Variants in ZNRF1 observed in about 807,000 individuals in gnomAD.
The protein encoded by ZNRF1 is zinc and ring finger 1, also known as E3 ubiquitin-protein ligase ZNRF1.
In ZNRF1, 3 loss-of-function variants were observed where a neutral mutation model predicts 18.4. The observed-to-expected ratio is 0.16, with a 90% CI of 0.07 to 0.42. ZNRF1 has a LOEUF of 0.42. Among genes scored for constraint, ZNRF1 ranks in the 10% least tolerant of loss-of-function variants. ZNRF1 has a pLI of 0.99. For missense variants in ZNRF1, 310 were observed against 329.8 expected (o/e 0.94, Z 0.47); for synonymous variants, 157 against 144.2 (o/e 1.09, Z -0.64).
At chr16:75,067,689 A>C (rs1179664617) in intron 1 of ZNRF1, among the ~76,000 whole-genome samples, 6 of 152,214 alleles carry the variant, frequency 3.9e-5, no homozygotes, top group Non-Finnish European at 7.3e-5. Context: ...ATAAAGGGGC[A>C]CCATGAATCA....
chr16:75,015,272 T>C (rs746399195), intron 1 of ZNRF1, among the ~76,000 whole-genome samples: 4 of 152,238 alleles, frequency 2.6e-5, no homozygotes, highest in Non-Finnish European at 4.4e-5. Context: ...TTGCACTTTG[T>C]ATTTAAATCC....
At chr16:75,027,017 C>T (rs888181234) in intron 1 of ZNRF1, among the ~76,000 whole-genome samples, 1 of 152,184 alleles carries the variant, frequency 6.6e-6, no homozygotes, top group Non-Finnish European at 1.5e-5. Flanking sequence ...AATCCTCACC[C>T]CTTGAGGTGA....
chr16:75,082,029 G>C (rs778460967), intron 1 of ZNRF1, among the ~76,000 whole-genome samples: 13 of 152,186 alleles, frequency 8.5e-5, no homozygotes, highest in Non-Finnish European at 1.6e-4. Flanking sequence ...CACTCATGCT[G>C]ATGTTTTCAG....
intron 2 of ZNRF1, among the ~76,000 whole-genome samples, chr16:75,097,303 G>T (rs1246927737): frequency 6.6e-6 from 1 of 152,106 alleles, no homozygotes; most frequent in Non-Finnish European, 1.5e-5. Context: ...TCGTGGAGAT[G>T]ACCCGCTTTT....
intron 1 of ZNRF1, among the ~76,000 whole-genome samples, chr16:75,013,806 T>G (rs1243258718): frequency 6.6e-6 from 1 of 152,086 alleles, no homozygotes; most frequent in Non-Finnish European, 1.5e-5. Context: ...GTCTTGGAAT[T>G]ATTTATTTAT....
intron 1 of ZNRF1, among the ~76,000 whole-genome samples, chr16:75,018,745 C>G (rs554142314): frequency 1.3e-5 from 2 of 152,032 alleles, no homozygotes; most frequent in Admixed American, 1.3e-4. Context: ...ATTAATCCTG[C>G]TTGGTTGTGA....
intron 1 of ZNRF1, among the ~76,000 whole-genome samples, chr16:75,067,163 T>A (rs1210344502): frequency 6.6e-6 from 1 of 152,198 alleles, no homozygotes; most frequent in South Asian, 2.1e-4. Context: ...ATCTCTCCAA[T>A]GTGGTGCCTT....
intron 1 of ZNRF1, among the ~76,000 whole-genome samples, chr16:75,043,494 C>T (rs978328132): frequency 2.0e-5 from 3 of 152,176 alleles, no homozygotes; most frequent in Admixed American, 1.3e-4. Context: ...CCTTCTACCT[C>T]ACCAGGCCTT....
At chr16:75,033,437 G>GTTT (rs55813752) in intron 1 of ZNRF1, among the ~76,000 whole-genome samples, 1 of 98,170 alleles carries the variant, frequency 1.0e-5, no homozygotes, top group Non-Finnish European at 2.2e-5. Flanking sequence ...GTGTTTTATA[G>GTTT]TTTTTTTTTT....
intron 1 of ZNRF1, among the ~76,000 whole-genome samples, chr16:75,010,043 T>C (rs2034973425): frequency 2.0e-5 from 3 of 152,058 alleles, no homozygotes; most frequent in Admixed American, 2.0e-4. Context: ...AGTGCAGTGG[T>C]TCAGTCTCAG....
At chr16:75,010,791 A>T (rs1307591334) in intron 1 of ZNRF1, among the ~76,000 whole-genome samples, 1 of 141,222 alleles carries the variant, frequency 7.1e-6, no homozygotes, top group Non-Finnish European at 1.5e-5. Flanking sequence ...ACTCACTGCA[A>T]CCTCTGCCTC....
chr16:75,051,005 C>T (rs2035593480), intron 1 of ZNRF1, among the ~76,000 whole-genome samples: 1 of 144,216 alleles, frequency 6.9e-6, no homozygotes, highest in African/African-American at 2.6e-5. Flanking sequence ...CCAGTGTGGG[C>T]AACATGGTGA....
In ZNRF1 at chr16:75,043,790, C is replaced by CTTTTTTTTTTTTTTTTTT. The variant is rs59324869; in HGVS notation, c.424+43711_424+43712insTTTTTTTTTTTTTTTTTT. Among the ~76,000 whole-genome samples the CTTTTTTTTTTTTTTTTTT allele has an allele frequency of 5.6e-4, 42 of 75,160 alleles. 4 individuals are homozygous for CTTTTTTTTTTTTTTTTTT. Among genetic ancestry groups the CTTTTTTTTTTTTTTTTTT allele is most frequent in the Non-Finnish European group, 7.3e-4 (28 of 38,390 alleles). 49.3% of individuals were successfully genotyped at this position (75,160 alleles called of 152,430 possible). On this transcript the variant is annotated intron_variant, in intron 1 of 4. Coordinates refer to ENST00000335325, the MANE Select transcript of ZNRF1 (RefSeq NM_032268.5). Reference sequence around the variant, plus strand: ...AGGAGCCAGCCATTCTTGCTTTGTACTTTTTTTTTTTTTTTTGAGACAGAG... The same window carrying CTTTTTTTTTTTTTTTTTT: ...AGGAGCCAGCCATTCTTGCTTTGTACTTTTTTTTTTTTTTTTTTTTTTTTTTTTTTTTTTGAGACAGAG...
At chr16:75,047,400 T>C (rs1050547482) in intron 1 of ZNRF1, among the ~76,000 whole-genome samples, 2 of 152,244 alleles carry the variant, frequency 1.3e-5, no homozygotes, top group African/African-American at 4.8e-5. Context: ...CTTGAACTCC[T>C]GGCTACAAGC....
intron 1 of ZNRF1, among the ~76,000 whole-genome samples, chr16:75,027,272 TA>T (rs954113158): frequency 6.7e-5 from 10 of 148,900 alleles, no homozygotes; most frequent in Non-Finnish European, 7.5e-5. Flanking sequence ...CCCTGTCTCT[TA>T]AAAAAAAAAG....
At chr16:75,039,394 A>T (rs528963357) in intron 1 of ZNRF1, among the ~76,000 whole-genome samples, 1 of 152,188 alleles carries the variant, frequency 6.6e-6, no homozygotes, top group Non-Finnish European at 1.5e-5. Flanking sequence ...CTTTAGAACC[A>T]CTTAAAATAC....
At chr16:75,045,812 C>T (rs1305477934) in intron 1 of ZNRF1, among the ~76,000 whole-genome samples, 1 of 150,882 alleles carries the variant, frequency 6.6e-6, no homozygotes, top group Non-Finnish European at 1.5e-5. Flanking sequence ...AATTCCTGGG[C>T]TCAAGTGATC....
chr16:75,090,360 G>A (rs2036121827), intron 1 of ZNRF1, among the ~76,000 whole-genome samples: 1 of 137,428 alleles, frequency 7.3e-6, no homozygotes, highest in Admixed American at 7.1e-5. Flanking sequence ...TAGTCTTCTG[G>A]GGTTTGTTGT....
At position 74,999,942 on chromosome 16, in the gene ZNRF1, T is replaced by C. The variant is rs1366715340; in HGVS notation, c.271T>C (p.Ser91Pro). Residue 91 changes from serine to proline, a missense_variant, in exon 1 of 5, where the codon TCT (serine) becomes CCT (proline). By Grantham distance (74) the Ser-to-Pro change is moderately conservative. Transcript: ENST00000335325. ...DSERAPGGGGSASDSTYAHGN... is the reference protein window; with the variant it reads ...DSERAPGGGGPASDSTYAHGN... ...CGAGAGGGCGCCCGGCGGCGGAGGG[T>C]CTGCGTCCGACTCCACCTATGCCCA... 1 of 1,564,846 alleles carries C rather than the reference T, an allele frequency of 6.4e-7. No homozygotes were observed. The highest frequency in any genetic ancestry group is 8.6e-7 in the Non-Finnish European group (1 of 1,156,668).
Sources: gnomAD v4.1 joint callset for allele counts (sites outside exome capture counted in the v4.1 genomes callset) on GRCh38, gnomAD v4.1.1 for gene constraint, MANE v1.5 for transcripts, NCBI Gene and HGNC (gene_info 2026-07-23, HGNC 2026-07-21) for gene names.